The following BRIP1 variants were observed in gnomAD, a reference collection of about 807,000 sequenced individuals.
The protein encoded by BRIP1 is BRCA1 interacting DNA helicase 1, also known as Fanconi anemia group J protein.
A neutral mutation model predicts 119.7 loss-of-function variants in BRIP1; 88 were observed. The observed-to-expected ratio is 0.74, with a 90% confidence interval of 0.62 to 0.88. The LOEUF (loss-of-function observed/expected upper bound fraction) is 0.88. BRIP1 is among the 40% of genes least tolerant of loss of function. The pLI is 0.00. For missense variants in BRIP1, 1,259 were observed against 1,455.4 expected, an observed-to-expected ratio of 0.87 and a Z score of 2.20; for synonymous variants, 443 against 496.5, an observed-to-expected ratio of 0.89 and a Z score of 1.43.
rs2078705299 is a variant in BRIP1 at position 61,844,844 on chromosome 17, T to C, written c.627+2257A>G. 6.6e-6 allele frequency among the ~76,000 whole-genome samples: 1 copy of C among 152,246 alleles called. No individual in the cohort carries two copies. The highest frequency in any genetic ancestry group is 1.5e-5 in the Non-Finnish European group (1 of 68,038). Reference sequence around the variant, plus strand: ...CTACTATTTACTAGCTTTGTGATCTTAGGCCAGTTTCTTCCTTCTCAGAGT... The same window carrying C: ...CTACTATTTACTAGCTTTGTGATCTCAGGCCAGTTTCTTCCTTCTCAGAGT... On this transcript the variant is annotated intron_variant, in intron 6 of 19. Transcript: ENST00000259008. The surrounding 1 kb of genome is among the most constrained non-coding windows in gnomAD (Gnocchi z 4.7).
chr17:61,772,191 A>G (rs1215123542), intron 14 of BRIP1, among the ~76,000 whole-genome samples: 2 of 129,800 alleles, frequency 1.5e-5, no homozygotes, highest in South Asian at 2.6e-4. Flanking sequence ...ATATATATAT[A>G]TATATATATA....
At chr17:61,773,412 A>G (rs1196216055) in intron 14 of BRIP1, among the ~76,000 whole-genome samples, 1 of 152,196 alleles carries the variant, frequency 6.6e-6, no homozygotes, top group Middle Eastern at 3.2e-3. Context: ...AAATTAATTC[A>G]AGATGGATTA....
rs1462668607 is a variant in BRIP1 at position 61,748,521 on chromosome 17, G to A, written c.2098-3930C>T. Reference sequence around the variant, plus strand: ...GACTTGGAATAATCAAAACAATCTTGAGAAAGAACAACAAAGCTAGAGGCA... The same window carrying A: ...GACTTGGAATAATCAAAACAATCTTAAGAAAGAACAACAAAGCTAGAGGCA... On this transcript the variant is annotated intron_variant, in intron 14 of 19. Transcript: ENST00000259008. This position sits in a 1 kb window ranked among gnomAD's most constrained non-coding sequence, Gnocchi z 4.7. Among the ~76,000 whole-genome samples the A allele has an allele frequency of 6.6e-6, 1 of 152,132 alleles. No individual in the cohort carries two copies. Among genetic ancestry groups the A allele is most frequent in the Non-Finnish European group, 1.5e-5 (1 of 68,006 alleles).
rs965663078 is a variant in BRIP1 at position 61,734,668 on chromosome 17, G to T, written c.2379+8345C>A. On this transcript the variant is annotated intron_variant, in intron 16 of 19. Transcript: ENST00000259008. The surrounding 1 kb of genome is among the most constrained non-coding windows in gnomAD (Gnocchi z 5.2). ...CCTAAGGTGGGAAGAGGAAATCCTGGTCACAGCCAAAGGAGTCATATTTTT... is the reference window on the plus strand; with the variant it reads ...CCTAAGGTGGGAAGAGGAAATCCTGTTCACAGCCAAAGGAGTCATATTTTT... Among the ~76,000 whole-genome samples, 1 of 152,108 alleles carries T rather than the reference G, an allele frequency of 6.6e-6. No individual in the cohort carries two copies. The highest frequency in any genetic ancestry group is 1.5e-5 in the Non-Finnish European group (1 of 68,004).
chr17:61,759,227 GA>G lies in BRIP1; in HGVS notation c.2098-14637del, dbSNP rs35879479. Reference sequence around the variant, plus strand: ...GCACAGAGGCTGAAAGTGAGCAGCTGAAAAAAGCTATTCAACAAAATGGAAA... The same window carrying G: ...GCACAGAGGCTGAAAGTGAGCAGCTGAAAAAGCTATTCAACAAAATGGAAA... On this transcript the variant is annotated intron_variant, in intron 14 of 19. Transcript: ENST00000259008. This position sits in a 1 kb window ranked among gnomAD's most constrained non-coding sequence, Gnocchi z 4.9. 6.6e-6 allele frequency among the ~76,000 whole-genome samples: 1 copy of G among 151,966 alleles called. No homozygotes were observed.
rs1249708246 is a variant in BRIP1, at chr17:61,682,108, A to G, written c.*1188T>C. 2 of 203,710 alleles carry G rather than the reference A, an allele frequency of 9.8e-6. No homozygotes were observed. Among genetic ancestry groups the G allele is most frequent in the African/African-American group, 2.3e-5 (1 of 43,556 alleles). The allele number at this position is 203,710 out of a possible 1,614,324, so 12.6% of individuals were successfully genotyped here. A position where few individuals can be genotyped will look rare whatever the true frequency, so the allele number is the denominator to read the frequency against. On this transcript the variant is annotated 3_prime_UTR_variant, in exon 20 of 20. Coordinates refer to ENST00000259008, the MANE Select transcript of BRIP1 (RefSeq NM_032043.3). The surrounding 1 kb of genome is among the most constrained non-coding windows in gnomAD (Gnocchi z 4.9). The stretch of plus-strand genomic sequence containing the variant: ...AAACACAAACAAGGTCAAAATTCAC[A>G]GAAAGGATTACTGTGCCCTAAGGAA...
chr17:61,752,877 G>A lies in BRIP1; in HGVS notation c.2098-8286C>T, dbSNP rs2077150156. 6.6e-6 allele frequency among the ~76,000 whole-genome samples: 1 copy of A among 152,164 alleles called. No homozygotes were observed. Among genetic ancestry groups the A allele is most frequent in the South Asian group, 2.1e-4 (1 of 4,834 alleles). On this transcript the variant is annotated intron_variant, in intron 14 of 19. Transcript: ENST00000259008. The surrounding 1 kb of genome is among the most constrained non-coding windows in gnomAD (Gnocchi z 6.2). Reference sequence around the variant, plus strand: ...AGGGAAGGGAGAAAAAGGTTCACAGGTGCTCTGTAGGTATATGATTAGCCC... The same window carrying A: ...AGGGAAGGGAGAAAAAGGTTCACAGATGCTCTGTAGGTATATGATTAGCCC...
rs375934959 is a variant in BRIP1 at position 61,778,560 on chromosome 17, AACT to A, written c.1935+1698_1935+1700del. ...ACAGTGTAACAGAATCCAGCTGCAC[AACT>A]ACATTATTATAATTCAGCGACATTA... On this transcript the variant is annotated intron_variant, in intron 13 of 19. Transcript: ENST00000259008. The surrounding 1 kb of genome is among the most constrained non-coding windows in gnomAD (Gnocchi z 4.4). Among the ~76,000 whole-genome samples the A allele has an allele frequency of 1.3e-5, 2 of 152,218 alleles. No individual in the cohort carries two copies. The highest frequency in any genetic ancestry group is 4.8e-5 in the African/African-American group (2 of 41,472).
Position 61,856,224 on chromosome 17 carries a change from C to G in BRIP1, c.379+834G>C, listed in dbSNP as rs575896635. Among the ~76,000 whole-genome samples, 30 of 152,328 alleles carry G rather than the reference C, an allele frequency of 2.0e-4. No homozygotes were observed. The highest frequency in any genetic ancestry group is 7.2e-4 in the African/African-American group (30 of 41,596). On this transcript the variant is annotated intron_variant, in intron 4 of 19. Coordinates refer to ENST00000259008, the MANE Select transcript of BRIP1 (RefSeq NM_032043.3). The surrounding 1 kb of genome is among the most constrained non-coding windows in gnomAD (Gnocchi z 5.1). Reference sequence around the variant, plus strand: ...CCTACCAGAAGTTCAATCATCTACCCTCCTCTATATAGTCACATGCTTTAG... The same window carrying G: ...CCTACCAGAAGTTCAATCATCTACCGTCCTCTATATAGTCACATGCTTTAG...
intron 10 of BRIP1, among the ~76,000 whole-genome samples, chr17:61,787,397 T>TTTATATAAA (rs2077744174): frequency 7.3e-6 from 1 of 137,214 alleles, no homozygotes; most frequent in Non-Finnish European, 1.5e-5. Context: ...ATAGTATATA[T>TTTATATAAA]ATTTATATAA....
chr17:61,820,659 T>C (rs770422526), intron 6 of BRIP1, among the ~76,000 whole-genome samples: 16 of 152,112 alleles, frequency 1.1e-4, no homozygotes, highest in Non-Finnish European at 1.9e-4. Context: ...GTTACAAAAG[T>C]GTAAAAAGGG....
rs2061759713 is a variant in BRIP1 at position 61,710,833 on chromosome 17, G to C, written c.2492+5118C>G. On this transcript the variant is annotated intron_variant, in intron 17 of 19. Transcript: ENST00000259008. The surrounding 1 kb of genome is among the most constrained non-coding windows in gnomAD (Gnocchi z 5.4). The stretch of plus-strand genomic sequence containing the variant: ...AGGCAGGTGGATCATCTGAGGTCAG[G>C]AGTTTGAGACCAGCCTGTCCATCAT... 6.6e-6 allele frequency among the ~76,000 whole-genome samples: 1 copy of C among 151,982 alleles called. No homozygotes were observed. Among genetic ancestry groups the C allele is most frequent in the Non-Finnish European group, 1.5e-5 (1 of 67,988 alleles).
chr17:61,818,196 GGGA>G (rs918350155), intron 6 of BRIP1, among the ~76,000 whole-genome samples: 11 of 151,192 alleles, frequency 7.3e-5, no homozygotes, highest in African/African-American at 2.7e-4. Context: ...CTAAAAAGGG[GGGA>G]GGGGGGGGAA....
Position 61,693,390 on chromosome 17 carries a change from T to C in BRIP1, c.2575+40A>G, listed in dbSNP as rs2061475892. On this transcript the variant is annotated intron_variant, in intron 18 of 19. Coordinates refer to ENST00000259008, the MANE Select transcript of BRIP1 (RefSeq NM_032043.3). This position sits in a 1 kb window ranked among gnomAD's most constrained non-coding sequence, Gnocchi z 4.2. ...TTTCACCACAATAAAAATATGAAGA[T>C]TGTTACTAGTTTTTACTCTAAGCCC... 6.6e-7 allele frequency: 1 copy of C among 1,512,726 alleles called. No homozygotes were observed. Among genetic ancestry groups the C allele is most frequent in the Non-Finnish European group, 9.2e-7 (1 of 1,087,952 alleles). The allele number at this position is 1,512,726 out of a possible 1,614,324, so 93.7% of individuals were successfully genotyped here. A position where few individuals can be genotyped will look rare whatever the true frequency, so the allele number is the denominator to read the frequency against.
At chr17:61,696,984 T>C (rs1364346126) in intron 17 of BRIP1, among the ~76,000 whole-genome samples, 6 of 46,794 alleles carry the variant, frequency 1.3e-4, no homozygotes, top group African/African-American at 3.1e-4. Context: ...AGACTCTGTC[T>C]CAAAAAAAAA....
intron 6 of BRIP1, among the ~76,000 whole-genome samples, chr17:61,813,943 T>A (rs117314045): frequency 2.6e-5 from 4 of 152,228 alleles, no homozygotes; most frequent in Non-Finnish European, 4.4e-5. Flanking sequence ...ATTTTATGAA[T>A]GCAATTACAA....
Position 61,760,675 on chromosome 17 carries a change from C to G in BRIP1, c.2097+15726G>C, listed in dbSNP as rs2077265161. ...TATGCCAACAAAATAAACTGGATAC[C>G]TGGAAGAAATGGATAAATTCCTAGA... On this transcript the variant is annotated intron_variant, in intron 14 of 19. Coordinates refer to ENST00000259008, the MANE Select transcript of BRIP1 (RefSeq NM_032043.3). This position sits in a 1 kb window ranked among gnomAD's most constrained non-coding sequence, Gnocchi z 4.6. Among the ~76,000 whole-genome samples the G allele has an allele frequency of 6.6e-6, 1 of 151,862 alleles. No individual in the cohort carries two copies. The highest frequency in any genetic ancestry group is 2.1e-4 in the South Asian group (1 of 4,820).
rs1163655558 is a variant in BRIP1 at position 61,703,122 on chromosome 17, T to C, written c.2493-9610A>G. Among the ~76,000 whole-genome samples, 1 of 152,174 alleles carries C rather than the reference T, an allele frequency of 6.6e-6. No individual in the cohort carries two copies. Among genetic ancestry groups the C allele is most frequent in the East Asian group, 1.9e-4 (1 of 5,196 alleles). On this transcript the variant is annotated intron_variant, in intron 17 of 19. Coordinates refer to ENST00000259008, the MANE Select transcript of BRIP1 (RefSeq NM_032043.3). This position sits in a 1 kb window ranked among gnomAD's most constrained non-coding sequence, Gnocchi z 5.0. Reference sequence around the variant, plus strand: ...CTCTATTGCCCAGGCTGAAGTGCAGTGGCACAATCCCAACTCACTGCAAAC... The same window carrying C: ...CTCTATTGCCCAGGCTGAAGTGCAGCGGCACAATCCCAACTCACTGCAAAC...
rs1301315123 is a variant in BRIP1 at position 61,794,704 on chromosome 17, A to G, written c.1341-975T>C. On this transcript the variant is annotated intron_variant, in intron 9 of 19. Coordinates refer to ENST00000259008, the MANE Select transcript of BRIP1 (RefSeq NM_032043.3). This position sits in a 1 kb window ranked among gnomAD's most constrained non-coding sequence, Gnocchi z 4.3. ...TTAAAAGTTAAAAAAAAAAGTTCTAATAAAATGAAAAAAAAATCAGGTAAT... is the reference window on the plus strand; with the variant it reads ...TTAAAAGTTAAAAAAAAAAGTTCTAGTAAAATGAAAAAAAAATCAGGTAAT... Among the ~76,000 whole-genome samples the G allele has an allele frequency of 1.3e-5, 2 of 152,058 alleles. No homozygotes were observed. The highest frequency in any genetic ancestry group is 3.9e-4 in the East Asian group (2 of 5,176).
Sources: gnomAD v4.1 joint callset for allele counts (sites outside exome capture counted in the v4.1 genomes callset) on GRCh38, gnomAD v4.1.1 for gene constraint, Gnocchi (gnomAD v3.1) non-coding constraint, MANE v1.5 for transcripts, NCBI Gene and HGNC (gene_info 2026-07-23, HGNC 2026-07-21) for gene names.